Variants in PRKCI observed in about 807,000 individuals in gnomAD.
PRKCI encodes the protein protein kinase C iota, also known as protein kinase C iota type.
PRKCI carries 43 observed loss-of-function variants against 84.0 expected under a neutral mutation model. The observed-to-expected ratio is 0.51, with a 90% CI of 0.40 to 0.66. The LOEUF is 0.66. Among genes scored for constraint, PRKCI ranks in the 30% least tolerant of loss-of-function variants. The pLI, the probability that PRKCI is intolerant of heterozygous loss-of-function variation, is 0.00. For synonymous variants in PRKCI, 216 were observed against 234.4 expected (o/e 0.92, Z 0.72); for missense variants, 459 against 745.6 (o/e 0.62, Z 4.48).
intron 2 of PRKCI, among the ~76,000 whole-genome samples, chr3:170,252,477 TTG>T (rs1433620075): frequency 6.6e-6 from 1 of 152,250 alleles, no homozygotes; most frequent in African/African-American, 2.4e-5. Flanking sequence ...TATCATTTAT[TTG>T]TGTTACAAAT....
intron 6 of PRKCI, among the ~76,000 whole-genome samples, chr3:170,271,660 C>T (rs1734009371): frequency 6.6e-6 from 1 of 152,088 alleles, no homozygotes; most frequent in African/African-American, 2.4e-5. Flanking sequence ...CATTACTTCT[C>T]CATGGTTATG....
At chr3:170,297,647 G>T (rs974514476) in intron 16 of PRKCI, among the ~76,000 whole-genome samples, 8 of 150,754 alleles carry the variant, frequency 5.3e-5, no homozygotes, top group Middle Eastern at 3.5e-3. Context: ...AGATGGGGGG[G>T]GTTTCACAAT....
At chr3:170,237,888 G>C (rs1343096074) in intron 2 of PRKCI, among the ~76,000 whole-genome samples, 2 of 152,104 alleles carry the variant, frequency 1.3e-5, no homozygotes, top group East Asian at 3.8e-4. Context: ...GAATAGCTTA[G>C]TATGTATCCT....
At chr3:170,285,398 C>CT (rs148217226) in intron 12 of PRKCI, among the ~76,000 whole-genome samples, 9,901 of 152,096 alleles carry the variant, frequency 0.065, 695 homozygotes, top group African/African-American at 0.18. Flanking sequence ...ATGTTTTATT[C>CT]TTTTATAACA....
chr3:170,285,078 C>CT (rs199832004), intron 12 of PRKCI, among the ~76,000 whole-genome samples: 8,067 of 129,776 alleles, frequency 0.062, 427 homozygotes, highest in African/African-American at 0.14. Flanking sequence ...GTCTTCATTT[C>CT]TTTTTTTTTT....
intron 2 of PRKCI, among the ~76,000 whole-genome samples, chr3:170,241,640 A>G (rs1404198115): frequency 1.3e-5 from 2 of 152,002 alleles, no homozygotes; most frequent in Non-Finnish European, 2.9e-5. Flanking sequence ...AGCGTAGTTC[A>G]CCTTTGTTTT....
chr3:170,235,270 G>A lies in PRKCI; in HGVS notation c.142G>A (p.Glu48Lys). 1 of 1,613,912 alleles carries A rather than the reference G, an allele frequency of 6.2e-7. No individual in the cohort carries two copies. Among genetic ancestry groups the A allele is most frequent in the African/African-American group, 1.3e-5 (1 of 75,002 alleles). Residue 48 changes from glutamate to lysine, a missense_variant, in exon 2 of 18, where the codon GAG (glutamate) becomes AAG (lysine). Physicochemically the swap from Glu to Lys is moderately conservative, Grantham distance 56. This residue lies in a region of PRKCI where 250 missense variants were observed against 319.7 expected (regional missense o/e 0.78). Transcript: ENST00000295797. ...ITHFEPSISF[E>K]GLCNEVRDMC... ...ACATTTTGAACCTTCCATCTCCTTT[G>A]AGGGCCTTTGCAATGAGGTTCGAGA...
chr3:170,269,535 C>A (rs1488625852), intron 5 of PRKCI, among the ~76,000 whole-genome samples: 1 of 152,094 alleles, frequency 6.6e-6, no homozygotes, highest in Non-Finnish European at 1.5e-5. Flanking sequence ...TGGTGGCACA[C>A]ACCTGTAGTC....
chr3:170,292,113 G>T (rs1455054798), intron 13 of PRKCI, among the ~76,000 whole-genome samples, 172 bp downstream of exon 13: 2 of 152,162 alleles, frequency 1.3e-5, no homozygotes, highest in Admixed American at 6.5e-5. Flanking sequence ...TCGAGACAGT[G>T]GGACCTTGGC....
chr3:170,239,409 A>G (rs1189196112), intron 2 of PRKCI, among the ~76,000 whole-genome samples: 1 of 152,238 alleles, frequency 6.6e-6, no homozygotes, highest in African/African-American at 2.4e-5. Context: ...GCTTCTTATC[A>G]TAAATGAATA....
Position 170,226,192 on chromosome 3 carries a change from A to C in PRKCI, c.101+3422A>C, listed in dbSNP as rs573762326. On this transcript the variant is annotated intron_variant, in intron 1 of 17. Transcript: ENST00000295797. ...TCTCCCAAAGTGTTGGGATTACAGG[A>C]ATGAGCCATCTTGCCCAGCCAATTT... Among the ~76,000 whole-genome samples, 11 of 152,264 alleles carry C rather than the reference A, an allele frequency of 7.2e-5. 1 individual carries two copies. Among genetic ancestry groups the C allele is most frequent in the South Asian group, 6.2e-4 (3 of 4,822 alleles).
chr3:170,233,166 C>G (rs565412196), intron 1 of PRKCI, among the ~76,000 whole-genome samples: 2 of 150,922 alleles, frequency 1.3e-5, no homozygotes, highest in East Asian at 3.9e-4. Flanking sequence ...TTCGAATAGC[C>G]TAATTTAGAA....
chr3:170,276,100 A>G (rs2108856551), intron 8 of PRKCI, among the ~76,000 whole-genome samples: 1 of 151,684 alleles, frequency 6.6e-6, no homozygotes, highest in East Asian at 1.9e-4. Flanking sequence ...CACCCAGCTA[A>G]TTTTTTCATT....
intron 1 of PRKCI, among the ~76,000 whole-genome samples, chr3:170,232,981 TA>T (rs2108836137): frequency 6.6e-6 from 1 of 152,234 alleles, no homozygotes; most frequent in Non-Finnish European, 1.5e-5. Flanking sequence ...TCTTCATTAT[TA>T]AAAGGTGGAA....
chr3:170,251,046 A>G (rs1733431162), intron 2 of PRKCI, among the ~76,000 whole-genome samples: 1 of 152,224 alleles, frequency 6.6e-6, no homozygotes. Context: ...ATATTCAAAG[A>G]AAATATTTAA....
At chr3:170,235,132 A>G (rs1029403354) in intron 1 of PRKCI, 98 bp from the exon 2 acceptor site, 3 of 1,284,452 alleles carry the variant, frequency 2.3e-6, no homozygotes, top group African/African-American at 3.0e-5. Flanking sequence ...TGCACACACA[A>G]AATTACTGAA....
chr3:170,301,025 T>C (rs1734806360), intron 17 of PRKCI, among the ~76,000 whole-genome samples: 1 of 152,214 alleles, frequency 6.6e-6, no homozygotes, highest in Admixed American at 6.5e-5. Context: ...GTAGCATAGA[T>C]ACCAGCTAAT....
At chr3:170,259,628 G>C (rs779730113) in intron 2 of PRKCI, among the ~76,000 whole-genome samples, 30 of 152,092 alleles carry the variant, frequency 2.0e-4, no homozygotes, top group Non-Finnish European at 4.3e-4. Context: ...GGACAACATG[G>C]TGAAACCCTG....
At chr3:170,260,716 G>A (rs1733703960) in intron 3 of PRKCI, among the ~76,000 whole-genome samples, 1 of 152,128 alleles carries the variant, frequency 6.6e-6, no homozygotes, top group South Asian at 2.1e-4. Flanking sequence ...GTCTCCCAAA[G>A]CACTGAGATT....
Sources: gnomAD v4.1 joint callset for allele counts (sites outside exome capture counted in the v4.1 genomes callset) on GRCh38, gnomAD v4.1.1 for gene constraint, gnomAD v4.1.1 regional missense constraint, MANE v1.5 for transcripts, NCBI Gene and HGNC (gene_info 2026-07-23, HGNC 2026-07-21) for gene names.